PHF12: variants seen among roughly 807,000 people sequenced by gnomAD.
PHF12 encodes PHD finger protein 12, also known as PHD factor 1.
A neutral mutation model predicts 99.8 loss-of-function variants in PHF12; 6 were observed. The observed-to-expected ratio is 0.06, with a 90% CI of 0.03 to 0.12. The LOEUF (loss-of-function observed/expected upper bound fraction) is 0.12. PHF12 is among the 10% of genes least tolerant of loss of function. PHF12 has a pLI of 1.00. For missense variants in PHF12, 954 were observed against 1,300.1 expected, an observed-to-expected ratio of 0.73 and a Z score of 4.09; for synonymous variants, 480 against 514.9, an observed-to-expected ratio of 0.93 and a Z score of 0.92.
At chr17:28,929,045 G>A (rs1203471538) in intron 2 of PHF12, among the ~76,000 whole-genome samples, 1 of 150,930 alleles carries the variant, frequency 6.6e-6, no homozygotes, top group Non-Finnish European at 1.5e-5. Flanking sequence ...GCAGTGAGCC[G>A]AGACAGTGCC....
chr17:28,949,790 C>A lies in PHF12; in HGVS notation c.248+275G>T, dbSNP rs1259067278. The A allele has an allele frequency of 3.0e-6, 1 of 337,722 alleles. No individual in the cohort carries two copies. Among genetic ancestry groups the A allele is most frequent in the South Asian group, 8.4e-5 (1 of 11,974 alleles). 20.9% of individuals were successfully genotyped at this position (337,722 alleles called of 1,614,324 possible). A position where few individuals can be genotyped will look rare whatever the true frequency, so the allele number is the denominator to read the frequency against. ...CACTGCCGGCTGTCCCCGGCCGGCT[C>A]TGTCCCGGCTCCCCAGCGACTTCCA... On this transcript the variant is annotated intron_variant, in intron 2 of 14. Coordinates refer to ENST00000332830, the MANE Select transcript of PHF12 (RefSeq NM_001033561.2). The surrounding 1 kb of genome is among the most constrained non-coding windows in gnomAD (Gnocchi z 4.6).
chr17:28,906,902 C>T lies in PHF12; in HGVS notation c.2634G>A (p.Pro878=), dbSNP rs765713112. The T allele has an allele frequency of 1.1e-5, 17 of 1,612,490 alleles. No homozygotes were observed. Among genetic ancestry groups the T allele is most frequent in the South Asian group, 4.4e-5 (4 of 90,904 alleles). The change falls in exon 14 of 15, where the codon CCG becomes CCA. Residue 878 remains proline, a synonymous_variant. Transcript: ENST00000332830. This position sits in a 1 kb window ranked among gnomAD's most constrained non-coding sequence, Gnocchi z 4.2. The part of the protein sequence containing the change: ...LYSCDFSEKT[P]PTPPSSIVAK... ...CAACAATACTGCTTGGGGGGGTTGG[C>T]GGGGTCTTCTCCGAGAAGTCACATG...
intron 4 of PHF12, among the ~76,000 whole-genome samples, chr17:28,923,307 C>T (rs2040198817): frequency 6.6e-6 from 1 of 151,466 alleles, no homozygotes; most frequent in Non-Finnish European, 1.5e-5. Flanking sequence ...TCATTGTAGC[C>T]CTTAATATTT....
chr17:28,910,206 A>T lies in PHF12; in HGVS notation c.2359+20T>A. ...AGAGGGGAGATCTGATGATGTGGTG[A>T]CAGGTGTGTACATGCGCACCTTCTA... On this transcript the variant is annotated intron_variant, in intron 11 of 14. Coordinates refer to ENST00000332830, the MANE Select transcript of PHF12 (RefSeq NM_001033561.2). 6.2e-7 allele frequency: 1 copy of T among 1,614,198 alleles called. No individual in the cohort carries two copies. Among genetic ancestry groups the T allele is most frequent in the Non-Finnish European group, 8.5e-7 (1 of 1,180,022 alleles).
In PHF12 at chr17:28,927,123, C is replaced by G. The variant is rs1401969608; in HGVS notation, c.249-60G>C. 2.0e-6 allele frequency: 3 copies of G among 1,487,656 alleles called. No individual in the cohort carries two copies. The African/African-American group carries it at 4.2e-5, about 21-fold the overall frequency. The allele number at this position is 1,487,656 out of a possible 1,614,324, so 92.2% of individuals were successfully genotyped here. ...TAGCCCTTTGAGGCAGTAGGAAAAG[C>G]CTAGCTAGGTTTGCATGTTCCTAAA... On this transcript the variant is annotated intron_variant, in intron 2 of 14. Coordinates refer to ENST00000332830, the MANE Select transcript of PHF12 (RefSeq NM_001033561.2).
At chr17:28,915,467 GAT>G (rs1320355252) in intron 7 of PHF12, among the ~76,000 whole-genome samples, 3 of 152,148 alleles carry the variant, frequency 2.0e-5, no homozygotes, top group Non-Finnish European at 4.4e-5. Context: ...TGGGCAGGCA[GAT>G]ATGAGTCTGG....
chr17:28,918,131 C>T (rs1440489713), intron 6 of PHF12, among the ~76,000 whole-genome samples: 1 of 152,200 alleles, frequency 6.6e-6, no homozygotes, highest in African/African-American at 2.4e-5. Flanking sequence ...ATCTGGGCTC[C>T]TACATTTTAA....
intron 6 of PHF12, among the ~76,000 whole-genome samples, chr17:28,918,599 C>T (rs1440360332): frequency 1.3e-5 from 2 of 152,228 alleles, no homozygotes; most frequent in Non-Finnish European, 2.9e-5. Flanking sequence ...CTCAAATCCT[C>T]TCCCATTCAA....
rs147070503 is a variant in PHF12 at position 28,912,868 on chromosome 17, G to A, written c.1703C>T (p.Ala568Val). The A allele has an allele frequency of 1.9e-6, 3 of 1,611,694 alleles. No homozygotes were observed. Among genetic ancestry groups the A allele is most frequent in the East Asian group, 4.5e-5 (2 of 44,864 alleles). ...TGAGAGGCCTGGTAGTGGGGTGTTAGCGCCTGGAAGTCGCCGGGGGTCCGT... is the reference window on the plus strand; with the variant it reads ...TGAGAGGCCTGGTAGTGGGGTGTTAACGCCTGGAAGTCGCCGGGGGTCCGT... ...DSTDPRRLPGANTPLPGLSHR... is the reference protein window; with the variant it reads ...DSTDPRRLPGVNTPLPGLSHR... The change falls in exon 9 of 15, where the codon GCT becomes GTT. Residue 568 changes from alanine (A) to valine (V), a missense_variant. Ala to Val is a moderately conservative substitution (Grantham distance 64). Transcript: ENST00000332830.
At chr17:28,911,765 G>T (rs931266687) in intron 9 of PHF12, among the ~76,000 whole-genome samples, 1 of 152,146 alleles carries the variant, frequency 6.6e-6, no homozygotes, top group South Asian at 2.1e-4. Context: ...AGACGGGAGA[G>T]ACCACAGAGG....
chr17:28,941,854 G>C (rs1261085771), intron 2 of PHF12, among the ~76,000 whole-genome samples: 1 of 152,146 alleles, frequency 6.6e-6, no homozygotes, highest in Non-Finnish European at 1.5e-5. Context: ...TGATCCACCT[G>C]CCTCGGCTCC....
chr17:28,923,001 G>A (rs2040192780), intron 4 of PHF12, among the ~76,000 whole-genome samples: 1 of 151,412 alleles, frequency 6.6e-6, no homozygotes. Flanking sequence ...GATTGCTTGA[G>A]CTGTGGTCAC....
intron 2 of PHF12, among the ~76,000 whole-genome samples, chr17:28,940,578 CT>C (rs1034082896): frequency 6.6e-6 from 1 of 152,210 alleles, no homozygotes; most frequent in Non-Finnish European, 1.5e-5. Context: ...TATGCCTCAG[CT>C]TTTGCCTCAC....
Position 28,923,653 on chromosome 17 carries a change from C to CAAAAAAAAAAAAAAAAAA in PHF12, c.715+238_715+255dup, listed in dbSNP as rs35263191. ...AGCCTGAGTGACAAAGTGAGACTCA[C>CAAAAAAAAAAAAAAAAAA]AAAAAAAAAAAAAAAAAAAAAAGGA... On this transcript the variant is annotated intron_variant, in intron 4 of 14. Transcript: ENST00000332830. Among the ~76,000 whole-genome samples, 172 of 43,456 alleles carry CAAAAAAAAAAAAAAAAAA rather than the reference C, an allele frequency of 4.0e-3. 8 individuals are homozygous for CAAAAAAAAAAAAAAAAAA. The highest frequency in any genetic ancestry group is 4.7e-3 in the Non-Finnish European group (115 of 24,662). 28.5% of individuals were successfully genotyped at this position (43,456 alleles called of 152,430 possible). A position where few individuals can be genotyped will look rare whatever the true frequency, so the allele number is the denominator to read the frequency against.
chr17:28,915,112 GGAT>G (rs1412360600), intron 7 of PHF12, among the ~76,000 whole-genome samples: 2 of 152,166 alleles, frequency 1.3e-5, no homozygotes, highest in Admixed American at 6.5e-5. Flanking sequence ...TTGGGATTGG[GGAT>G]GATTTTATAG....
At chr17:28,912,358 GACAA>G in intron 9 of PHF12, 120 bp downstream of exon 9, 1 of 1,425,266 alleles carries the variant, frequency 7.0e-7, no homozygotes, top group Non-Finnish European at 9.2e-7. Flanking sequence ...ATGAGAGTAA[GACAA>G]ACAATACAAA....
At position 28,906,249 on chromosome 17, in the gene PHF12, G is replaced by C. The variant is rs1291110573; in HGVS notation, c.2949C>G (p.Val983=). The change falls in exon 15 of 15, where the codon GTC becomes GTG. Residue 983 remains valine, a synonymous_variant. Coordinates refer to ENST00000332830, the MANE Select transcript of PHF12 (RefSeq NM_001033561.2). The surrounding 1 kb of genome is among the most constrained non-coding windows in gnomAD (Gnocchi z 4.2). ...GCTTGAGAGAGAGCTTCTCGGCCAA[G>C]ACCCCATCCTGCAGCAGGCTGGCAT... is the stretch of plus-strand genomic sequence containing the variant. ...KGDASLLQDG[V]LAEKLSLKPH... 6.2e-7 allele frequency: 1 copy of C among 1,613,408 alleles called. No homozygotes were observed. The highest frequency in any genetic ancestry group is 1.1e-5 in the South Asian group (1 of 91,080).
chr17:28,948,771 TAAAAAA>T (rs2040758566), intron 2 of PHF12, among the ~76,000 whole-genome samples: 1 of 152,116 alleles, frequency 6.6e-6, no homozygotes, highest in Non-Finnish European at 1.5e-5. Context: ...AAAAGAGGGC[TAAAAAA>T]GGCAACATCA....
In PHF12 at chr17:28,922,915, A is replaced by C. The variant is rs948529541; in HGVS notation, c.715+994T>G. Among the ~76,000 whole-genome samples, 10 of 152,246 alleles carry C rather than the reference A, an allele frequency of 6.6e-5. No individual in the cohort carries two copies. In the South Asian group the frequency reaches 1.5e-3, roughly 22 times the overall value. On this transcript the variant is annotated intron_variant, in intron 4 of 14. Transcript: ENST00000332830. Reference sequence around the variant, plus strand: ...GGCAACATAGTGAGACCCTGTCTTTATAAAAAATATAAAAATTAGCTGAGT... The same window carrying C: ...GGCAACATAGTGAGACCCTGTCTTTCTAAAAAATATAAAAATTAGCTGAGT...
Sources: allele counts gnomAD v4.1 joint callset (sites outside exome capture counted in the v4.1 genomes callset), GRCh38; gene constraint gnomAD v4.1.1; non-coding constraint Gnocchi (gnomAD v3.1); transcripts MANE v1.5; gene names NCBI Gene and HGNC (gene_info 2026-07-23, HGNC 2026-07-21).